Variants in SBF2 observed in about 807,000 individuals in gnomAD.
SBF2 encodes the protein myotubularin-related protein 13.
Under a neutral mutation model 225.2 loss-of-function variants are expected in SBF2, and 112 were observed. The observed-to-expected ratio is 0.50, with a 90% confidence interval of 0.43 to 0.58. The LOEUF is 0.58. SBF2 is among the 20% of genes least tolerant of loss of function. The probability of loss-of-function intolerance (pLI) is 0.00; values close to 1 mark genes in which losing one functional copy is unlikely to be tolerated. For synonymous variants in SBF2, 763 were observed against 773.3 expected, an observed-to-expected ratio of 0.99 and a Z score of 0.22; for missense variants, 1,996 against 2,206.2, an observed-to-expected ratio of 0.90 and a Z score of 1.91.
At chr11:9,824,193 C>T (rs904033803) in intron 28 of SBF2, among the ~76,000 whole-genome samples, 22 of 152,162 alleles carry the variant, frequency 1.4e-4, no homozygotes, top group Non-Finnish European at 1.6e-4. Flanking sequence ...ATAACCACTA[C>T]TGGGAATTCC....
chr11:10,273,862 A>C (rs1962742076), intron 1 of SBF2, among the ~76,000 whole-genome samples: 1 of 152,206 alleles, frequency 6.6e-6, no homozygotes, highest in South Asian at 2.1e-4. Flanking sequence ...TCTTGCCACC[A>C]TCTAGGGCCT....
intron 2 of SBF2, among the ~76,000 whole-genome samples, chr11:10,065,605 C>T (rs1239510777): frequency 6.6e-6 from 1 of 152,034 alleles, no homozygotes; most frequent in East Asian, 1.9e-4. Context: ...TTATGAAAAA[C>T]ATCCTATAAA....
At chr11:10,197,414 TTA>T (rs1206642018) in intron 1 of SBF2, among the ~76,000 whole-genome samples, 5 of 152,242 alleles carry the variant, frequency 3.3e-5, no homozygotes, top group African/African-American at 1.2e-4. Context: ...CTGTAGTCTA[TTA>T]AGTGTGCAAC....
chr11:9,788,956 A>G (rs1454258041), intron 35 of SBF2, among the ~76,000 whole-genome samples, 153 bp downstream of exon 35: 1 of 152,056 alleles, frequency 6.6e-6, no homozygotes, highest in African/African-American at 2.4e-5. Flanking sequence ...CTGGTCCCCC[A>G]CTGATGATGG....
intron 2 of SBF2, among the ~76,000 whole-genome samples, chr11:10,135,839 T>C (rs1005023939): frequency 6.6e-6 from 1 of 152,180 alleles, no homozygotes; most frequent in African/African-American, 2.4e-5. Flanking sequence ...TTCCAAACTG[T>C]TCCAACCTCG....
rs574177096 is a variant in SBF2 at position 9,932,957 on chromosome 11, C to CAAA, written c.1860+28997_1860+28999dup. Among the ~76,000 whole-genome samples the CAAA allele has an allele frequency of 1.2e-4, 7 of 58,772 alleles. 1 individual carries two copies. The East Asian group carries it at 7.1e-3, about 60-fold the overall frequency. The allele number at this position is 58,772 out of a possible 152,430, so 38.6% of individuals were successfully genotyped here. A position where few individuals can be genotyped will look rare whatever the true frequency, so the allele number is the denominator to read the frequency against. ...GGAGATCTACCAAGCAAACGAAAAG[C>CAAA]AAAAAAAAAAAAAAAAAAAAAAAAA... On this transcript the variant is annotated intron_variant, in intron 16 of 39. Transcript: ENST00000256190.
At chr11:10,253,076 T>C (rs1199222181) in intron 1 of SBF2, among the ~76,000 whole-genome samples, 1 of 123,932 alleles carries the variant, frequency 8.1e-6, no homozygotes, top group Non-Finnish European at 1.6e-5. Flanking sequence ...GGGAAAAACA[T>C]ATTGACAGAC....
At chr11:10,199,316 T>C (rs1213840125) in intron 1 of SBF2, among the ~76,000 whole-genome samples, 3 of 152,018 alleles carry the variant, frequency 2.0e-5, no homozygotes, top group Non-Finnish European at 2.9e-5. Context: ...GTGTAGTCTG[T>C]GGCATGCCAA....
At chr11:10,159,506 G>A (rs1955629244) in intron 2 of SBF2, among the ~76,000 whole-genome samples, 1 of 152,106 alleles carries the variant, frequency 6.6e-6, no homozygotes, top group South Asian at 2.1e-4. Context: ...CCCCACCCAG[G>A]AACTGACTCA....
At chr11:9,900,927 G>T (rs538803489) in intron 16 of SBF2, among the ~76,000 whole-genome samples, 3 of 151,952 alleles carry the variant, frequency 2.0e-5, no homozygotes, top group African/African-American at 7.2e-5. Flanking sequence ...TTTTGTAGAG[G>T]CAGGGTTTCA....
chr11:10,253,118 C>CAA (rs546522229), intron 1 of SBF2, among the ~76,000 whole-genome samples: 3,211 of 77,124 alleles, frequency 0.042, 131 homozygotes, highest in African/African-American at 0.12. Context: ...AGGTAAATAC[C>CAA]AAAAAAAAAA....
intron 16 of SBF2, among the ~76,000 whole-genome samples, chr11:9,907,134 G>C (rs1353486297): frequency 6.6e-6 from 1 of 152,052 alleles, no homozygotes; most frequent in Non-Finnish European, 1.5e-5. Context: ...TTCTACATAA[G>C]GACAAAAATT....
At chr11:10,031,375 T>C (rs1949250820) in intron 3 of SBF2, among the ~76,000 whole-genome samples, 1 of 152,224 alleles carries the variant, frequency 6.6e-6, no homozygotes, top group Non-Finnish European at 1.5e-5. Flanking sequence ...GGAATACTTA[T>C]TTCATTTTTG....
intron 1 of SBF2, among the ~76,000 whole-genome samples, chr11:10,214,631 A>G (rs558083352): frequency 3.9e-5 from 6 of 152,286 alleles, no homozygotes; most frequent in African/African-American, 1.4e-4. Context: ...TAAAAAATAC[A>G]AAAAACAAAC....
chr11:10,020,403 A>C (rs1015055111), intron 6 of SBF2, among the ~76,000 whole-genome samples: 2 of 152,064 alleles, frequency 1.3e-5, no homozygotes, highest in African/African-American at 4.8e-5. Flanking sequence ...AGCCTACCTC[A>C]AGGGAAGAAT....
At chr11:10,257,323 T>C (rs1286778336) in intron 1 of SBF2, among the ~76,000 whole-genome samples, 1 of 152,164 alleles carries the variant, frequency 6.6e-6, no homozygotes, top group African/African-American at 2.4e-5. Flanking sequence ...CAAAACACTA[T>C]GCAGTGAGAT....
chr11:9,963,325 C>T lies in SBF2; in HGVS notation c.1710+448G>A, dbSNP rs367808500. ...ACTAAAAATACAAAAATGAGGCGGG[C>T]GCAGTGGTGCGTGCCTGTAGTCCCA... On this transcript the variant is annotated intron_variant, in intron 15 of 39. Transcript: ENST00000256190. Among the ~76,000 whole-genome samples, 29 of 152,004 alleles carry T rather than the reference C, an allele frequency of 1.9e-4. No individual in the cohort carries two copies. In the East Asian group the frequency reaches 3.9e-3, roughly 20 times the overall value.
chr11:10,226,978 C>T (rs966934390), intron 1 of SBF2, among the ~76,000 whole-genome samples: 15 of 152,204 alleles, frequency 9.9e-5, no homozygotes, highest in Non-Finnish European at 1.6e-4. Flanking sequence ...ACATCCTCTC[C>T]AGCACCTGTT....
At chr11:9,993,183 C>T (rs191890883) in intron 10 of SBF2, 80 bp from the exon 11 acceptor site, 56 of 1,004,290 alleles carry the variant, frequency 5.6e-5, no homozygotes, top group African/African-American at 8.0e-5. Context: ...GTGAAAAGGG[C>T]ATATATTCCA....
Sources: allele counts gnomAD v4.1 joint callset (sites outside exome capture counted in the v4.1 genomes callset), GRCh38; gene constraint gnomAD v4.1.1; transcripts MANE v1.5; gene names NCBI Gene and HGNC (gene_info 2026-07-23, HGNC 2026-07-21).